SORCS1: variants seen among roughly 807,000 people sequenced by gnomAD.
The protein encoded by SORCS1 is VPS10 domain-containing receptor SorCS1.
SORCS1 carries 60 observed loss-of-function variants against 146.1 expected under a neutral mutation model. The observed-to-expected ratio is 0.41, with a 90% CI of 0.33 to 0.51. The LOEUF (loss-of-function observed/expected upper bound fraction) is 0.51. SORCS1 is among the 20% of genes least tolerant of loss of function. The probability of loss-of-function intolerance (pLI) is 0.21; values close to 1 mark genes in which losing one functional copy is unlikely to be tolerated. For synonymous variants in SORCS1, 637 were observed against 584.0 expected, an observed-to-expected ratio of 1.09 and a Z score of -1.31; for missense variants, 1,352 against 1,487.6, an observed-to-expected ratio of 0.91 and a Z score of 1.50.
At chr10:106,823,945 T>C (rs948478767) in intron 3 of SORCS1, among the ~76,000 whole-genome samples, 1 of 152,210 alleles carries the variant, frequency 6.6e-6, no homozygotes, top group Non-Finnish European at 1.5e-5. Flanking sequence ...GATTCAATGA[T>C]ACGTGATTCT....
intron 18 of SORCS1, among the ~76,000 whole-genome samples, chr10:106,641,954 G>A (rs570476625): frequency 8.6e-4 from 131 of 152,234 alleles, no homozygotes; most frequent in African/African-American, 3.0e-3. Context: ...ACTAAAGTAA[G>A]TCCATTAATG....
chr10:107,021,233 C>A (rs1044487328), intron 1 of SORCS1, among the ~76,000 whole-genome samples: 2 of 151,940 alleles, frequency 1.3e-5, no homozygotes, highest in African/African-American at 4.8e-5. Context: ...GCATATTTGG[C>A]CAGGCGTGGT....
intron 2 of SORCS1, among the ~76,000 whole-genome samples, chr10:106,932,968 C>T (rs1953494698): frequency 6.6e-6 from 1 of 152,138 alleles, no homozygotes; most frequent in African/African-American, 2.4e-5. Flanking sequence ...ATTAATTTTC[C>T]CCATCCTAAT....
intron 1 of SORCS1, among the ~76,000 whole-genome samples, chr10:107,117,466 T>A (rs1429766751): frequency 6.6e-6 from 1 of 152,136 alleles, no homozygotes; most frequent in African/African-American, 2.4e-5. Context: ...AGCTGTGAGA[T>A]CAGGGCCCCC....
chr10:107,072,177 C>T (rs886176512), intron 1 of SORCS1, among the ~76,000 whole-genome samples: 1 of 152,230 alleles, frequency 6.6e-6, no homozygotes, highest in Non-Finnish European at 1.5e-5. Context: ...GCCCTGACCT[C>T]CTCCTCCAAC....
At chr10:107,042,032 C>T (rs180844456) in intron 1 of SORCS1, among the ~76,000 whole-genome samples, 3 of 152,252 alleles carry the variant, frequency 2.0e-5, no homozygotes, top group East Asian at 3.9e-4. Context: ...CTATTTCAAG[C>T]AAAGAGATGG....
chr10:106,632,422 G>A (rs1208615873), intron 18 of SORCS1, among the ~76,000 whole-genome samples: 6 of 152,110 alleles, frequency 3.9e-5, no homozygotes, highest in Admixed American at 2.6e-4. Flanking sequence ...ATCAGATTCC[G>A]GTGTTCCTGG....
chr10:107,149,494 G>C (rs1014193087), intron 1 of SORCS1, among the ~76,000 whole-genome samples: 1 of 152,160 alleles, frequency 6.6e-6, no homozygotes, highest in African/African-American at 2.4e-5. Context: ...CCACTGTTAA[G>C]GCTCTAAAAG....
intron 6 of SORCS1, among the ~76,000 whole-genome samples, chr10:106,718,888 G>A (rs2788678): frequency 0.088 from 4,449 of 50,640 alleles, 1,264 homozygotes; most frequent in Middle Eastern, 0.17. Context: ...TGATTGGTGC[G>A]TTTACAAACC....
At position 106,910,709 on chromosome 10, in the gene SORCS1, C is replaced by A. The variant is rs941030838; in HGVS notation, c.626+45804G>T. ...AGATACACATACAATAATAATGTGACCAGAGCAGTATTGCCCATCCATGGT... is the reference window on the plus strand; with the variant it reads ...AGATACACATACAATAATAATGTGAACAGAGCAGTATTGCCCATCCATGGT... On this transcript the variant is annotated intron_variant, in intron 2 of 25. Transcript: ENST00000263054. Among the ~76,000 whole-genome samples, 6 of 152,142 alleles carry A rather than the reference C, an allele frequency of 3.9e-5. No individual in the cohort carries two copies. The East Asian group carries it at 9.6e-4, about 24-fold the overall frequency.
intron 1 of SORCS1, among the ~76,000 whole-genome samples, chr10:107,153,375 A>G (rs191750390): frequency 6.6e-6 from 1 of 152,326 alleles, no homozygotes; most frequent in African/African-American, 2.4e-5. Flanking sequence ...GTATATATTT[A>G]TATGTACTTA....
At chr10:106,632,206 G>C (rs1848479354) in intron 18 of SORCS1, among the ~76,000 whole-genome samples, 1 of 152,212 alleles carries the variant, frequency 6.6e-6, no homozygotes, top group South Asian at 2.1e-4. Context: ...CTGATATTGG[G>C]ATAGGCCTCT....
At chr10:107,135,588 T>G (rs1004786885) in intron 1 of SORCS1, among the ~76,000 whole-genome samples, 1 of 152,222 alleles carries the variant, frequency 6.6e-6, no homozygotes, top group Non-Finnish European at 1.5e-5. Flanking sequence ...GTGCTCCTTA[T>G]AGAAGCTCTG....
At chr10:107,115,152 A>G (rs1965943639) in intron 1 of SORCS1, among the ~76,000 whole-genome samples, 1 of 152,092 alleles carries the variant, frequency 6.6e-6, no homozygotes, top group Non-Finnish European at 1.5e-5. Context: ...TGGAAGAATT[A>G]ATATTGTTTA....
At chr10:106,942,203 A>T (rs1470191462) in intron 2 of SORCS1, among the ~76,000 whole-genome samples, 1 of 152,060 alleles carries the variant, frequency 6.6e-6, no homozygotes. Context: ...AAAAATTCAC[A>T]CTCCTCTGGG....
chr10:107,146,332 A>G (rs1333869212), intron 1 of SORCS1, among the ~76,000 whole-genome samples: 2 of 152,102 alleles, frequency 1.3e-5, no homozygotes, highest in African/African-American at 4.8e-5. Flanking sequence ...CACTCCACCT[A>G]TTGCCTAAAA....
intron 14 of SORCS1, among the ~76,000 whole-genome samples, chr10:106,674,493 TCA>T (rs137896603): frequency 0.013 from 1,922 of 152,178 alleles, 43 homozygotes; most frequent in African/African-American, 0.044. Flanking sequence ...GAAGGAACTC[TCA>T]CAGTTTCATA....
chr10:106,851,857 A>T (rs1036357416), intron 2 of SORCS1, among the ~76,000 whole-genome samples: 17 of 152,196 alleles, frequency 1.1e-4, no homozygotes, highest in Admixed American at 1.1e-3. Flanking sequence ...TCATTTACTT[A>T]GTTTTTTAAC....
At chr10:107,136,942 A>G (rs776887159) in intron 1 of SORCS1, among the ~76,000 whole-genome samples, 3 of 151,798 alleles carry the variant, frequency 2.0e-5, no homozygotes, top group Non-Finnish European at 4.4e-5. Context: ...CCCTCAAATC[A>G]CTCTATCTTC....
Sources: allele counts gnomAD v4.1 joint callset (sites outside exome capture counted in the v4.1 genomes callset), GRCh38; gene constraint gnomAD v4.1.1; transcripts MANE v1.5; gene names NCBI Gene and HGNC (gene_info 2026-07-23, HGNC 2026-07-21).